Variants in UBE2U observed in about 807,000 individuals in gnomAD.
The protein encoded by UBE2U is ubiquitin-conjugating enzyme E2 U.
In UBE2U, 39 loss-of-function variants were observed where a neutral mutation model predicts 41.2. The ratio of observed to expected loss-of-function variants is 0.95; its 90% CI spans 0.73 to 1.24. UBE2U has a LOEUF of 1.24. UBE2U is among the 50% of genes most tolerant of loss of function. The pLI is 0.00. For synonymous variants in UBE2U, 107 were observed against 117.8 expected, an observed-to-expected ratio of 0.91 and a Z score of 0.60; for missense variants, 336 against 363.1, an observed-to-expected ratio of 0.93 and a Z score of 0.61.
chr1:64,230,978 A>G (rs531861684), intron 6 of UBE2U, among the ~76,000 whole-genome samples: 21 of 152,216 alleles, frequency 1.4e-4, no homozygotes, highest in Admixed American at 2.6e-4. Flanking sequence ...CTTTATCTGA[A>G]TAATAGTAAA....
At chr1:64,239,344 A>G (rs535017797) in intron 7 of UBE2U, among the ~76,000 whole-genome samples, 21 of 152,106 alleles carry the variant, frequency 1.4e-4, no homozygotes, top group Non-Finnish European at 2.6e-4. Flanking sequence ...TGTAAAAATT[A>G]CCAGTGCCTT....
At chr1:64,238,170 C>G (rs1356836853) in intron 7 of UBE2U, among the ~76,000 whole-genome samples, 1 of 152,056 alleles carries the variant, frequency 6.6e-6, no homozygotes, top group Non-Finnish European at 1.5e-5. Flanking sequence ...TTTGGGAGGC[C>G]AAGACAGGTG....
intron 9 of UBE2U, among the ~76,000 whole-genome samples, chr1:64,265,305 C>T (rs1645239535): frequency 6.6e-6 from 1 of 152,154 alleles, no homozygotes; most frequent in African/African-American, 2.4e-5. Flanking sequence ...ATTGTTTAAA[C>T]TGGGTTGACT....
chr1:64,231,425 T>C (rs565578588), intron 6 of UBE2U, among the ~76,000 whole-genome samples: 1 of 152,194 alleles, frequency 6.6e-6, no homozygotes, highest in Non-Finnish European at 1.5e-5. Flanking sequence ...TGCTGAGACA[T>C]TTCATTGGCA....
intron 9 of UBE2U, among the ~76,000 whole-genome samples, chr1:64,261,949 T>G (rs1189678127): frequency 6.6e-6 from 1 of 152,232 alleles, no homozygotes; most frequent in Non-Finnish European, 1.5e-5. Context: ...GGATAAAATT[T>G]AGACTCTTTG....
At chr1:64,222,664 G>A (rs2100335605) in intron 6 of UBE2U, among the ~76,000 whole-genome samples, 1 of 152,344 alleles carries the variant, frequency 6.6e-6, no homozygotes, top group South Asian at 2.1e-4. Context: ...CCCTGGTACA[G>A]TTGCTCTGAA....
chr1:64,250,099 G>A (rs1644982627), intron 8 of UBE2U, among the ~76,000 whole-genome samples: 1 of 152,108 alleles, frequency 6.6e-6, no homozygotes, highest in African/African-American at 2.4e-5. Context: ...AGCCTTGCAA[G>A]TCAAAATATA....
rs201302363 is a variant in UBE2U at position 64,250,150 on chromosome 1, CAT to C, written c.677+8419_677+8420del. ...AGAGTGCTTGAAAGAAATTATTAAA[CAT>C]AGAATTTTATAACCAGTGAAAAGCT... On this transcript the variant is annotated intron_variant, in intron 8 of 9. Coordinates refer to ENST00000371077, the MANE Select transcript of UBE2U (RefSeq NM_001366232.2). Among the ~76,000 whole-genome samples, 53 of 152,168 alleles carry C rather than the reference CAT, an allele frequency of 3.5e-4. No individual in the cohort carries two copies. In the East Asian group the frequency reaches 8.9e-3, roughly 25 times the overall value.
At chr1:64,221,896 C>G (rs1323208915) in intron 6 of UBE2U, among the ~76,000 whole-genome samples, 1 of 152,040 alleles carries the variant, frequency 6.6e-6, no homozygotes, top group East Asian at 1.9e-4. Context: ...ACCATCCTGG[C>G]TAACATGGTG....
At chr1:64,239,144 GAAGAAGAAGAAGAAAGAAGAAGAA>G (rs1557730656) in intron 7 of UBE2U, among the ~76,000 whole-genome samples, 80 of 27,816 alleles carry the variant, frequency 2.9e-3, no homozygotes, top group Non-Finnish European at 4.3e-3. Context: ...AGAAGAAGAA[GAAGAAGAAGAAGAAAGAAGAAGAA>G]GAAGAAGAAG....
At position 64,203,923 on chromosome 1, in the gene UBE2U, AG is replaced by A. The variant is rs1651128143; in HGVS notation, c.-126del. The A allele has an allele frequency of 2.9e-6, 2 of 682,312 alleles. No individual in the cohort carries two copies. The highest frequency in any genetic ancestry group is 3.2e-5 in the Admixed American group (1 of 31,394). The allele number at this position is 682,312 out of a possible 1,614,324, so 42.3% of individuals were successfully genotyped here. The stretch of plus-strand genomic sequence containing the variant: ...AGCCGCTTATCTTGGTACCGTTCTG[AG>A]GTTCTAGAAAGCAAGTAACTTATAT... On this transcript the variant is annotated 5_prime_UTR_variant, in exon 1 of 10. Coordinates refer to ENST00000371077, the MANE Select transcript of UBE2U (RefSeq NM_001366232.2).
intron 6 of UBE2U, among the ~76,000 whole-genome samples, chr1:64,225,091 G>A (rs1354068630): frequency 1.3e-5 from 2 of 151,956 alleles, no homozygotes; most frequent in African/African-American, 4.8e-5. Flanking sequence ...TAGTAATAAT[G>A]GTACTGATTT....
intron 8 of UBE2U, among the ~76,000 whole-genome samples, chr1:64,246,322 A>T (rs1401175063): frequency 1.3e-5 from 2 of 152,156 alleles, no homozygotes; most frequent in Non-Finnish European, 2.9e-5. Context: ...AAAGATAAGT[A>T]ATCTTTCTTT....
At chr1:64,233,649 A>G (rs1051721975) in intron 7 of UBE2U, among the ~76,000 whole-genome samples, 2 of 152,220 alleles carry the variant, frequency 1.3e-5, no homozygotes, top group African/African-American at 4.8e-5. Flanking sequence ...AATTATATCA[A>G]TCTAAAAGGA....
intron 1 of UBE2U, among the ~76,000 whole-genome samples, chr1:64,204,917 G>A (rs565988377): frequency 6.6e-6 from 1 of 152,226 alleles, no homozygotes; most frequent in East Asian, 1.9e-4. Context: ...ACATTCCTGG[G>A]GCATGGACCT....
intron 8 of UBE2U, among the ~76,000 whole-genome samples, chr1:64,248,194 G>A (rs1475547589): frequency 1.3e-5 from 2 of 151,796 alleles, no homozygotes; most frequent in South Asian, 2.1e-4. Context: ...CTCCCTCTAC[G>A]GCCTTGCTCC....
intron 9 of UBE2U, among the ~76,000 whole-genome samples, chr1:64,266,641 T>G (rs1645259527): frequency 6.6e-6 from 1 of 152,206 alleles, no homozygotes; most frequent in Admixed American, 6.5e-5. Flanking sequence ...TCTAACATGT[T>G]CTGACCTCCC....
At chr1:64,233,010 AC>A (rs1644598498) in intron 7 of UBE2U, among the ~76,000 whole-genome samples, 1 of 146,052 alleles carries the variant, frequency 6.8e-6, no homozygotes, top group African/African-American at 2.6e-5. Flanking sequence ...TTTTATTTTT[AC>A]TTTTTTTTTT....
At chr1:64,244,515 G>A (rs532723086) in intron 8 of UBE2U, among the ~76,000 whole-genome samples, 37 of 152,082 alleles carry the variant, frequency 2.4e-4, no homozygotes, top group Middle Eastern at 6.8e-3. Context: ...CTTTTCTCAG[G>A]TTAGAAAACA....
Sources: allele counts gnomAD v4.1 joint callset (sites outside exome capture counted in the v4.1 genomes callset), GRCh38; gene constraint gnomAD v4.1.1; transcripts MANE v1.5; gene names NCBI Gene and HGNC (gene_info 2026-07-23, HGNC 2026-07-21).